Variants in TNKS observed in about 807,000 individuals in gnomAD.
TNKS encodes the protein poly [ADP-ribose] polymerase tankyrase-1.
In TNKS, 72 loss-of-function variants were observed where a neutral mutation model predicts 135.8. That is an observed-to-expected ratio of 0.53 (90% CI 0.44 to 0.64). The LOEUF (loss-of-function observed/expected upper bound fraction) is 0.64, where lower values mean the gene tolerates loss of function less well. Among genes scored for constraint, TNKS ranks in the 30% least tolerant of loss-of-function variants. The pLI, the probability that TNKS is intolerant of heterozygous loss-of-function variation, is 0.00. For synonymous variants in TNKS, 849 were observed against 649.3 expected, an observed-to-expected ratio of 1.31 and a Z score of -4.68; for missense variants, 1,769 against 1,674.0, an observed-to-expected ratio of 1.06 and a Z score of -0.99.
At chr8:9,672,711 C>CACACACAAAA (rs1399922732) in intron 3 of TNKS, among the ~76,000 whole-genome samples, 2 of 85,242 alleles carry the variant, frequency 2.3e-5, no homozygotes, top group South Asian at 9.1e-4. Flanking sequence ...CACACACACA[C>CACACACAAAA]AAAAAAAAAA....
At chr8:9,662,760 T>G (rs925883407) in intron 3 of TNKS, among the ~76,000 whole-genome samples, 5 of 152,148 alleles carry the variant, frequency 3.3e-5, no homozygotes, top group African/African-American at 1.2e-4. Context: ...ATAAAATTTT[T>G]AAAAAAAGTA....
At chr8:9,677,522 A>G (rs1179356726) in intron 3 of TNKS, among the ~76,000 whole-genome samples, 1 of 152,050 alleles carries the variant, frequency 6.6e-6, no homozygotes, top group African/African-American at 2.4e-5. Flanking sequence ...TTAAGTTCAC[A>G]GTTTTAATGT....
At chr8:9,611,199 G>T (rs528642142) in intron 2 of TNKS, among the ~76,000 whole-genome samples, 38 of 152,292 alleles carry the variant, frequency 2.5e-4, no homozygotes, top group Non-Finnish European at 4.6e-4. Context: ...AGACGCATTA[G>T]TAAAACAATT....
chr8:9,600,370 G>C (rs766796543), intron 2 of TNKS, among the ~76,000 whole-genome samples: 1 of 152,182 alleles, frequency 6.6e-6, no homozygotes, highest in Non-Finnish European at 1.5e-5. Flanking sequence ...ATAGAGTCCA[G>C]TGGTGTGATC....
intron 25 of TNKS, among the ~76,000 whole-genome samples, chr8:9,769,557 T>A (rs1807677916): frequency 6.6e-6 from 1 of 152,026 alleles, no homozygotes; most frequent in Admixed American, 6.5e-5. Context: ...GGGCTCAGTT[T>A]TTTCTCTGGT....
intron 12 of TNKS, among the ~76,000 whole-genome samples, chr8:9,720,922 G>A (rs1175420520): frequency 6.6e-6 from 1 of 152,066 alleles, no homozygotes; most frequent in Admixed American, 6.6e-5. Flanking sequence ...GTAAAATTCT[G>A]ACATACTTTT....
At chr8:9,623,503 C>T (rs527781951) in intron 3 of TNKS, among the ~76,000 whole-genome samples, 171 of 149,884 alleles carry the variant, frequency 1.1e-3, no homozygotes, top group Admixed American at 3.1e-3. Flanking sequence ...TGTGCAGTAG[C>T]ATTATGTCTA....
At chr8:9,748,497 G>C (rs991299087) in intron 18 of TNKS, among the ~76,000 whole-genome samples, 27 of 152,140 alleles carry the variant, frequency 1.8e-4, no homozygotes, top group African/African-American at 6.5e-4. Context: ...ATTATATTTA[G>C]TAAAATATCT....
chr8:9,580,378 G>T lies in TNKS; in HGVS notation c.893G>T (p.Cys298Phe), dbSNP rs1443974647. ...EAAIKGKIDVCIVLLQHGADP... is the reference protein window; with the variant it reads ...EAAIKGKIDVFIVLLQHGADP... ...GCTATTAAAGGGAAGATCGATGTGT[G>T]CATTGGTAAGTATCATTTGATGATA... The change falls in exon 2 of 27, where the codon TGC becomes TTC. Residue 298 changes from cysteine (C) to phenylalanine (F), a missense_variant. Transcript: ENST00000310430. 1.9e-6 allele frequency: 3 copies of T among 1,613,296 alleles called. No individual in the cohort carries two copies. The highest frequency in any genetic ancestry group is 1.7e-5 in the Admixed American group (1 of 59,994).
At chr8:9,754,395 C>T (rs1475626156) in intron 20 of TNKS, among the ~76,000 whole-genome samples, 3 of 152,086 alleles carry the variant, frequency 2.0e-5, no homozygotes, top group Admixed American at 6.6e-5. Context: ...TCACTGGCAC[C>T]TTTGGCCCAT....
Position 9,779,958 on chromosome 8 carries a change from T to C in TNKS, c.*3222T>C, listed in dbSNP as rs1288727137. The stretch of plus-strand genomic sequence containing the variant: ...CCTTATACTTCTTTGAGCTTGATGT[T>C]AGTGGCTAGACTGATTTCCCTTTGC... On this transcript the variant is annotated 3_prime_UTR_variant, in exon 27 of 27. Transcript: ENST00000310430. 2 of 152,274 alleles carry C rather than the reference T, an allele frequency of 1.3e-5. No homozygotes were observed. The highest frequency in any genetic ancestry group is 2.4e-5 in the African/African-American group (1 of 41,472). 9.4% of individuals were successfully genotyped at this position (152,274 alleles called of 1,614,324 possible). A position where few individuals can be genotyped will look rare whatever the true frequency, so the allele number is the denominator to read the frequency against.
chr8:9,567,644 C>G (rs1311572795), intron 1 of TNKS, among the ~76,000 whole-genome samples: 1 of 152,196 alleles, frequency 6.6e-6, no homozygotes, highest in Admixed American at 6.5e-5. Context: ...GTCTCGTTCT[C>G]CTGATCTTGT....
At chr8:9,597,047 C>T (rs1442202054) in intron 2 of TNKS, among the ~76,000 whole-genome samples, 1 of 152,304 alleles carries the variant, frequency 6.6e-6, no homozygotes, top group East Asian at 1.9e-4. Flanking sequence ...GGGAAGAAAG[C>T]TTGAGTATTG....
At chr8:9,711,140 C>A (rs1804310497) in intron 11 of TNKS, among the ~76,000 whole-genome samples, 1 of 152,034 alleles carries the variant, frequency 6.6e-6, no homozygotes, top group Non-Finnish European at 1.5e-5. Flanking sequence ...GGTATAGACT[C>A]CCTATGGAGC....
chr8:9,721,023 T>C (rs997191247), intron 12 of TNKS, among the ~76,000 whole-genome samples: 2 of 152,048 alleles, frequency 1.3e-5, no homozygotes, highest in African/African-American at 4.8e-5. Context: ...GGCTCACTCC[T>C]GTAATCCCAA....
At chr8:9,706,277 G>C in intron 7 of TNKS, 24 bp downstream of exon 7, 1 of 1,483,574 alleles carries the variant, frequency 6.7e-7, no homozygotes, top group South Asian at 1.4e-5. Flanking sequence ...AGAATATTGA[G>C]CATCATTTAC....
Position 9,751,839 on chromosome 8 carries a change from A to T in TNKS, c.3063A>T (p.Glu1021Asp). Residue 1021 changes from glutamate (E) to aspartate (D), a missense_variant, in exon 19 of 27, where the codon GAA becomes GAT. Transcript: ENST00000310430. ...GDGAAGTERK[E>D]GEVAGLDMNI... ...GCGCCGCGGGAACAGAAAGGAAGGA[A>T]GGAGAAGGTGAGTAGACCCCATGAA... is the stretch of plus-strand genomic sequence containing the variant. The T allele has an allele frequency of 6.2e-7, 1 of 1,614,156 alleles. No homozygotes were observed.
intron 11 of TNKS, among the ~76,000 whole-genome samples, chr8:9,715,978 G>A (rs145571272): frequency 1.5e-3 from 222 of 152,138 alleles, no homozygotes; most frequent in African/African-American, 4.6e-3. Context: ...GAAAACTTAC[G>A]CCCCAACTGC....
chr8:9,706,621 T>A (rs1804060483), intron 7 of TNKS, among the ~76,000 whole-genome samples, 190 bp from the exon 8 acceptor site: 1 of 152,230 alleles, frequency 6.6e-6, no homozygotes, highest in Admixed American at 6.5e-5. Context: ...TTTAAACATA[T>A]TACCATTGCC....
Sources: allele counts gnomAD v4.1 joint callset (sites outside exome capture counted in the v4.1 genomes callset), GRCh38; gene constraint gnomAD v4.1.1; transcripts MANE v1.5; gene names NCBI Gene and HGNC (gene_info 2026-07-23, HGNC 2026-07-21).